Variants in PCDH15 observed in about 807,000 individuals in gnomAD.
PCDH15 encodes the protein protocadherin-15.
Under a neutral mutation model 178.5 loss-of-function variants are expected in PCDH15, and 129 were observed. The ratio of observed to expected loss-of-function variants is 0.72; its 90% CI spans 0.63 to 0.84. PCDH15 has a LOEUF of 0.84. PCDH15 is among the 40% of genes least tolerant of loss of function. The probability of loss-of-function intolerance (pLI) is 0.00; values close to 1 mark genes in which losing one functional copy is unlikely to be tolerated. For synonymous variants in PCDH15, 800 were observed against 732.0 expected (o/e 1.09, Z -1.50); for missense variants, 2,230 against 2,099.9 (o/e 1.06, Z -1.21).
chr10:54,210,755 C>T (rs1372522005), intron 10 of PCDH15, among the ~76,000 whole-genome samples: 1 of 151,262 alleles, frequency 6.6e-6, no homozygotes, highest in African/African-American at 2.4e-5. Flanking sequence ...AGTGAGAGCT[C>T]AGGGTTAGTG....
At chr10:55,285,887 T>G (rs1208562601) in intron 1 of PCDH15, among the ~76,000 whole-genome samples, 1 of 151,994 alleles carries the variant, frequency 6.6e-6, no homozygotes, top group Non-Finnish European at 1.5e-5. Context: ...CCAAGCAGCT[T>G]CATTTATTAA....
chr10:55,343,498 A>G (rs185789257), intron 2 of PCDH15, among the ~76,000 whole-genome samples: 96 of 151,308 alleles, frequency 6.3e-4, no homozygotes, highest in African/African-American at 2.1e-3. Flanking sequence ...ATCTTTTCAC[A>G]TGTCACCTCT....
At chr10:54,932,022 A>T in intron 2 of PCDH15, among the ~76,000 whole-genome samples, 1 of 152,226 alleles carries the variant, frequency 6.6e-6, no homozygotes, top group East Asian at 1.9e-4. Context: ...TGAACGATGA[A>T]CCATATATGC....
chr10:54,527,809 T>G lies in PCDH15; in HGVS notation c.157+3A>C, dbSNP rs41274636. The G allele has an allele frequency of 6.2e-7, 1 of 1,604,418 alleles. No homozygotes were observed. The highest frequency in any genetic ancestry group is 1.3e-5 in the African/African-American group (1 of 74,678). ...ACATTTGTAAAATAAAAAACTCACTTACCATTCCGACTTTCTTCATCAATA... is the reference window on the plus strand; with the variant it reads ...ACATTTGTAAAATAAAAAACTCACTGACCATTCCGACTTTCTTCATCAATA... On this transcript the variant is annotated splice_donor_region_variant and intron_variant, in intron 3 of 37. Transcript: ENST00000644397.
At chr10:55,588,208 T>C (rs560111003) in intron 2 of PCDH15, among the ~76,000 whole-genome samples, 110 of 152,298 alleles carry the variant, frequency 7.2e-4, no homozygotes, top group African/African-American at 2.6e-3. Context: ...GCCTATCTGG[T>C]AGATATTTAT....
rs558823292 is a variant in PCDH15, at chr10:55,298,813, G to A, written c.-156+20786C>T. Among the ~76,000 whole-genome samples, 135 of 152,116 alleles carry A rather than the reference G, an allele frequency of 8.9e-4. 2 individuals are homozygous for A. Among genetic ancestry groups the A allele is most frequent in the Non-Finnish European group, 5.7e-4 (39 of 67,972 alleles). On this transcript the variant is annotated intron_variant, in intron 1 of 5. Coordinates refer to the PCDH15 transcript ENST00000458638. ...GGCTGGTCTCCAACTCCTGACCTCAGGTGATCTGCCCACCTTGGCCTCCCA... is the reference window on the plus strand; with the variant it reads ...GGCTGGTCTCCAACTCCTGACCTCAAGTGATCTGCCCACCTTGGCCTCCCA...
intron 1 of PCDH15, among the ~76,000 whole-genome samples, chr10:54,790,077 A>C (rs1689324292): frequency 6.6e-6 from 1 of 151,898 alleles, no homozygotes; most frequent in African/African-American, 2.4e-5. Flanking sequence ...TCCTTCCCCA[A>C]GTTCTGAGCA....
intron 13 of PCDH15, among the ~76,000 whole-genome samples, chr10:54,163,677 A>C (rs1384255464): frequency 6.6e-6 from 1 of 152,118 alleles, no homozygotes; most frequent in Non-Finnish European, 1.5e-5. Context: ...AAGTTCAATA[A>C]ATTAGTTTAC....
intron 26 of PCDH15, among the ~76,000 whole-genome samples, chr10:53,880,657 T>C (rs2080641127): frequency 6.6e-6 from 1 of 152,144 alleles, no homozygotes; most frequent in African/African-American, 2.4e-5. Context: ...GAGGCAAATA[T>C]AATTCAATTT....
Position 55,543,461 on chromosome 10 carries a change from T to G in PCDH15, c.-156+84164A>C, listed in dbSNP as rs187810802. On this transcript the variant is annotated intron_variant, in intron 2 of 5. Coordinates refer to the PCDH15 transcript ENST00000613346. ...AATAGTTGTTCATAGAAATGCTGAATAGTAGTAATATTTAGCTAATCTACT... is the reference window on the plus strand; with the variant it reads ...AATAGTTGTTCATAGAAATGCTGAAGAGTAGTAATATTTAGCTAATCTACT... Among the ~76,000 whole-genome samples, 69 of 151,126 alleles carry G rather than the reference T, an allele frequency of 4.6e-4. No individual in the cohort carries two copies. The South Asian group carries it at 7.7e-3, about 17-fold the overall frequency.
intron 3 of PCDH15, among the ~76,000 whole-genome samples, chr10:54,392,127 A>C (rs1272495261): frequency 1.3e-5 from 2 of 152,068 alleles, no homozygotes; most frequent in South Asian, 2.1e-4. Context: ...TCTTTCCACT[A>C]TAAGAATTGC....
chr10:55,514,065 A>C (rs1054237525), intron 2 of PCDH15, among the ~76,000 whole-genome samples: 3 of 151,986 alleles, frequency 2.0e-5, no homozygotes, highest in African/African-American at 7.2e-5. Context: ...ATTTTTTTTT[A>C]CCCACTACCA....
intron 18 of PCDH15, among the ~76,000 whole-genome samples, chr10:54,044,492 C>T (rs1449885666): frequency 6.6e-6 from 1 of 152,046 alleles, no homozygotes; most frequent in Non-Finnish European, 1.5e-5. Flanking sequence ...TGATGGCTCT[C>T]CTCACCAGGC....
rs1405534655 is a variant in PCDH15 at position 54,134,263 on chromosome 10, G to A, written c.1785-1256C>T. Among the ~76,000 whole-genome samples the A allele has an allele frequency of 7.1e-5, 8 of 112,310 alleles. 1 individual carries two copies. Among genetic ancestry groups the A allele is most frequent in the Non-Finnish European group, 9.8e-5 (5 of 50,910 alleles). 73.7% of individuals were successfully genotyped at this position (112,310 alleles called of 152,430 possible). A position where few individuals can be genotyped will look rare whatever the true frequency, so the allele number is the denominator to read the frequency against. On this transcript the variant is annotated intron_variant, in intron 14 of 37. Coordinates refer to ENST00000644397, the MANE Select transcript of PCDH15 (RefSeq NM_001384140.1). Reference sequence around the variant, plus strand: ...GTGCCATGTTGGCCAGGCTGGTCTCGAACTCCTGACCTCAGGTGATCCACC... The same window carrying A: ...GTGCCATGTTGGCCAGGCTGGTCTCAAACTCCTGACCTCAGGTGATCCACC...
intron 2 of PCDH15, among the ~76,000 whole-genome samples, chr10:55,618,298 T>G (rs1168237682): frequency 6.6e-6 from 1 of 152,074 alleles, no homozygotes; most frequent in East Asian, 1.9e-4. Flanking sequence ...GATTATCCTT[T>G]CATAGCATTT....
At chr10:53,994,485 A>G (rs1429664610) in intron 21 of PCDH15, 1 of 152,172 alleles carries the variant, frequency 6.6e-6, no homozygotes, top group African/African-American at 2.4e-5. Context: ...GTTGGTGCTA[A>G]AAACACATAT....
chr10:54,360,199 G>A (rs1353252015), intron 5 of PCDH15, among the ~76,000 whole-genome samples: 2 of 152,026 alleles, frequency 1.3e-5, no homozygotes, highest in African/African-American at 4.8e-5. Context: ...AAAATGAGAT[G>A]CCAGACCGCT....
chr10:54,146,951 T>TATATATATATAATGTATATATATAGTGC (rs2044012124), intron 14 of PCDH15, among the ~76,000 whole-genome samples: 1 of 80,644 alleles, frequency 1.2e-5, no homozygotes, highest in Non-Finnish European at 2.3e-5. Context: ...ATATATAGTG[T>TATATATATATAATGTATATATATAGTGC]ATATATATAT....
At chr10:54,512,002 A>G (rs1420505115) in intron 3 of PCDH15, among the ~76,000 whole-genome samples, 1 of 152,162 alleles carries the variant, frequency 6.6e-6, no homozygotes, top group East Asian at 1.9e-4. Flanking sequence ...ATCCAGCTCA[A>G]TAATGAAAAC....
Sources: gnomAD v4.1 joint callset for allele counts (sites outside exome capture counted in the v4.1 genomes callset) on GRCh38, gnomAD v4.1.1 for gene constraint, MANE v1.5 for transcripts, NCBI Gene and HGNC (gene_info 2026-07-23, HGNC 2026-07-21) for gene names.